The following CCDC144A variants were observed in gnomAD, a reference collection of about 807,000 sequenced individuals.
The protein encoded by CCDC144A is coiled-coil domain-containing protein 144A.
Under a neutral mutation model 143.8 loss-of-function variants are expected in CCDC144A, and 41 were observed. That is an observed-to-expected ratio of 0.29 (90% CI 0.22 to 0.37). CCDC144A has a LOEUF of 0.37. CCDC144A is among the 10% of genes least tolerant of loss of function. The probability of loss-of-function intolerance (pLI) is 1.00; values close to 1 mark genes in which losing one functional copy is unlikely to be tolerated. For missense variants in CCDC144A, 637 were observed against 1,488.8 expected (o/e 0.43, Z 9.41); for synonymous variants, 242 against 517.9 (o/e 0.47, Z 7.23).
At chr17:16,764,967 CA>C (rs1915533558) in intron 15 of CCDC144A, 1 of 122,466 alleles carries the variant, frequency 8.2e-6, no homozygotes, top group Non-Finnish European at 1.6e-5. Flanking sequence ...TGTGACCAAA[CA>C]GAATCAGTTC....
intron 14 of CCDC144A, among the ~76,000 whole-genome samples, chr17:16,763,409 TGA>T (rs1395834719): frequency 1.3e-5 from 2 of 149,906 alleles, no homozygotes; most frequent in African/African-American, 2.5e-5. Context: ...AAAATGTCTT[TGA>T]GAGAGAGTTT....
the CCDC144A span, among the ~76,000 whole-genome samples, chr17:16,668,443 G>A: frequency 6.6e-6 from 1 of 152,054 alleles, no homozygotes; most frequent in Non-Finnish European, 1.5e-5. Context: ...ATTTATGACA[G>A]GTGAGCATAA....
the CCDC144A span, among the ~76,000 whole-genome samples, chr17:16,668,387 G>C: frequency 6.6e-6 from 1 of 152,166 alleles, no homozygotes; most frequent in East Asian, 1.9e-4. Context: ...TTATTAACTA[G>C]AATGCTGATA....
At position 16,727,634 on chromosome 17, in the gene CCDC144A, G is replaced by GAAAATAT. The variant is rs1021636957; in HGVS notation, c.2000_2006dup (p.Met669IlefsTer10). On this transcript the variant is annotated frameshift_variant, in exon 9 of 17. Transcript: ENST00000399273. LOFTEE classifies it high-confidence loss of function. Reference sequence around the variant, plus strand: ...ACTTACAGTAAAACTTAAACAAATGGAAAATATGGTCAGTGTACTACAAAA... The same window carrying GAAAATAT: ...ACTTACAGTAAAACTTAAACAAATGGAAAATATAAAATATGGTCAGTGTACTACAAAA... 7.0e-7 allele frequency: 1 copy of GAAAATAT among 1,434,484 alleles called. No homozygotes were observed. Among genetic ancestry groups the GAAAATAT allele is most frequent in the African/African-American group, 1.9e-5 (1 of 53,886 alleles). 88.9% of individuals were successfully genotyped at this position (1,434,484 alleles called of 1,614,324 possible).
At chr17:16,759,950 G>A (rs543107800) in intron 12 of CCDC144A, among the ~76,000 whole-genome samples, 2 of 152,294 alleles carry the variant, frequency 1.3e-5, no homozygotes, top group South Asian at 4.1e-4. Flanking sequence ...CTTAAAGCTG[G>A]GGACTAGAAT....
chr17:16,683,905 T>C, the CCDC144A span: 2 of 1,335,270 alleles, frequency 1.5e-6, no homozygotes, highest in South Asian at 1.2e-5. Context: ...GCTGCTCCAG[T>C]AATGGGCGTA....
chr17:16,683,351 A>G, the CCDC144A span: 1 of 609,484 alleles, frequency 1.6e-6, no homozygotes, highest in Admixed American at 3.0e-5. Context: ...TAAGTACTGG[A>G]AAACTTGTCA....
At chr17:16,718,035 C>A (rs1400900496) in intron 6 of CCDC144A, among the ~76,000 whole-genome samples, 3 of 151,870 alleles carry the variant, frequency 2.0e-5, no homozygotes, top group African/African-American at 4.8e-5. Context: ...TGTATAAGTT[C>A]TTTATTTCTC....
At chr17:16,701,923 C>T (rs377446932) in intron 2 of CCDC144A, among the ~76,000 whole-genome samples, 2 of 150,160 alleles carry the variant, frequency 1.3e-5, no homozygotes, top group East Asian at 3.8e-4. Flanking sequence ...AAACTAGAAT[C>T]ACAAAGTCTT....
intron 12 of CCDC144A, among the ~76,000 whole-genome samples, chr17:16,752,968 TG>T (rs1914867361): frequency 9.3e-6 from 1 of 107,400 alleles, no homozygotes; most frequent in South Asian, 3.6e-4. Flanking sequence ...TTCAGATGTC[TG>T]TGTGGGTCCA....
rs376628352 is a variant in CCDC144A, at chr17:16,761,635, G to A, written c.3583G>A (p.Ala1195Thr). The A allele has an allele frequency of 5.6e-6, 9 of 1,613,638 alleles. No homozygotes were observed. Among genetic ancestry groups the A allele is most frequent in the Admixed American group, 5.0e-5 (3 of 60,006 alleles). Residue 1195 changes from alanine (A) to threonine (T), a missense_variant, in exon 13 of 17, where the codon GCT becomes ACT. Ala to Thr is a moderately conservative substitution (Grantham distance 58). Coordinates refer to ENST00000399273, the MANE Select transcript of CCDC144A (RefSeq NM_001382000.1). ...MERNMLERGK[A>T]EWHKLLIEER... ...AAGAAATATGTTAGAACGTGGTAAA[G>A]CTGAATGGCATAAACTGTTGATTGA...
At chr17:16,692,321 G>A (rs1226508970) in intron 1 of CCDC144A, among the ~76,000 whole-genome samples, 4 of 150,900 alleles carry the variant, frequency 2.7e-5, no homozygotes. Flanking sequence ...ATAGTGGACA[G>A]TGTTGTTATC....
At chr17:16,685,185 C>T (rs922610858), upstream of CCDC144A, among the ~76,000 whole-genome samples, 2 of 152,046 alleles carry the variant, frequency 1.3e-5, no homozygotes, top group Non-Finnish European at 2.9e-5. Flanking sequence ...TGCCACCACA[C>T]CTGGCTGGTT....
At chr17:16,705,860 A>G (rs1912020860) in intron 3 of CCDC144A, 1 of 191,738 alleles carries the variant, frequency 5.2e-6, no homozygotes. Flanking sequence ...TGGGTGGATC[A>G]TGAGGTCAGT....
the CCDC144A span, among the ~76,000 whole-genome samples, chr17:16,674,670 C>T: frequency 1.3e-5 from 2 of 152,026 alleles, no homozygotes; most frequent in Admixed American, 6.6e-5. Flanking sequence ...AGCAAAGCCA[C>T]TCTGTAATGA....
At chr17:16,758,704 GTT>G (rs766934427) in intron 12 of CCDC144A, among the ~76,000 whole-genome samples, 141 of 152,322 alleles carry the variant, frequency 9.3e-4, no homozygotes, top group Admixed American at 2.2e-3. Flanking sequence ...AATGACCTGT[GTT>G]TTCAGCTAAG....
At chr17:16,688,499 T>TTG (rs1157114400), upstream of CCDC144A, among the ~76,000 whole-genome samples, 2 of 142,500 alleles carry the variant, frequency 1.4e-5, no homozygotes, top group Non-Finnish European at 3.1e-5. Flanking sequence ...TTTTTTTTTT[T>TTG]TTTTTTTTGA....
chr17:16,744,981 C>T (rs563453081), intron 12 of CCDC144A, among the ~76,000 whole-genome samples: 122 of 152,124 alleles, frequency 8.0e-4, no homozygotes, highest in Non-Finnish European at 1.6e-3. Context: ...TGATTTAAAC[C>T]GTAATGGTTA....
chr17:16,709,702 C>T (rs1266276998), intron 5 of CCDC144A, 67 bp downstream of exon 5: 35 of 1,506,312 alleles, frequency 2.3e-5, no homozygotes, highest in Non-Finnish European at 2.9e-5. Flanking sequence ...TGATTTTCCA[C>T]TTAGGAAAAG....
Sources: gnomAD v4.1 joint callset for allele counts (sites outside exome capture counted in the v4.1 genomes callset) on GRCh38, gnomAD v4.1.1 for gene constraint, MANE v1.5 for transcripts, NCBI Gene and HGNC (gene_info 2026-07-23, HGNC 2026-07-21) for gene names.